TLL1: variants seen among roughly 807,000 people sequenced by gnomAD.
TLL1 encodes tolloid like 1.
A neutral mutation model predicts 128.2 loss-of-function variants in TLL1; 49 were observed. The ratio of observed to expected loss-of-function variants is 0.38; its 90% CI spans 0.30 to 0.48. The LOEUF (loss-of-function observed/expected upper bound fraction) is 0.48, where lower values mean the gene tolerates loss of function less well. Ranked by LOEUF, TLL1 falls within the 20% of genes least tolerant of loss-of-function variation. The pLI, the probability that TLL1 is intolerant of heterozygous loss-of-function variation, is 0.96. For missense variants in TLL1, 1,123 were observed against 1,242.0 expected, an observed-to-expected ratio of 0.90 and a Z score of 1.44; for synonymous variants, 454 against 418.8, an observed-to-expected ratio of 1.08 and a Z score of -1.03.
At chr4:165,965,031 A>G (rs1032814099) in intron 1 of TLL1, among the ~76,000 whole-genome samples, 1 of 152,144 alleles carries the variant, frequency 6.6e-6, no homozygotes. Flanking sequence ...AAGCATTTAT[A>G]TATTTTTATT....
intron 1 of TLL1, among the ~76,000 whole-genome samples, chr4:165,982,637 A>C (rs1046828482): frequency 4.0e-5 from 6 of 151,740 alleles, no homozygotes; most frequent in African/African-American, 1.4e-4. Context: ...ACCTATCATA[A>C]AAATAGACTA....
At chr4:166,058,315 T>G (rs1740125829) in intron 14 of TLL1, among the ~76,000 whole-genome samples, 1 of 152,160 alleles carries the variant, frequency 6.6e-6, no homozygotes, top group Admixed American at 6.6e-5. Context: ...ATCTTTTTCT[T>G]AATATAGTCT....
At chr4:165,985,541 T>C (rs1736357686) in intron 1 of TLL1, among the ~76,000 whole-genome samples, 1 of 151,996 alleles carries the variant, frequency 6.6e-6, no homozygotes, top group African/African-American at 2.4e-5. Flanking sequence ...AATTCGTACA[T>C]ATTTTTGCAT....
At chr4:165,996,926 A>G (rs192449211) in intron 5 of TLL1, among the ~76,000 whole-genome samples, 1 of 151,452 alleles carries the variant, frequency 6.6e-6, no homozygotes, top group East Asian at 1.9e-4. Flanking sequence ...GTTAATATAT[A>G]CCTATATTTG....
At chr4:165,958,585 G>A (rs1471795790) in intron 1 of TLL1, among the ~76,000 whole-genome samples, 1 of 148,486 alleles carries the variant, frequency 6.7e-6, no homozygotes, top group African/African-American at 2.5e-5. Context: ...AAATTTGTTT[G>A]AGTTCATTGT....
rs184915011 is a variant in TLL1, at chr4:165,901,959, A to G, written c.169+27886A>G. ...TGCCCTGCCCAGAGAGGAGGAATCT[A>G]GAGAGGCAGTCTGGTTACAGTGGCT... On this transcript the variant is annotated intron_variant, in intron 1 of 20. Transcript: ENST00000061240. Among the ~76,000 whole-genome samples, 263 of 152,280 alleles carry G rather than the reference A, an allele frequency of 1.7e-3. 1 individual carries two copies. Among genetic ancestry groups the G allele is most frequent in the African/African-American group, 5.9e-3 (247 of 41,558 alleles).
chr4:165,977,242 G>C (rs1735927385), intron 1 of TLL1, among the ~76,000 whole-genome samples: 5 of 152,114 alleles, frequency 3.3e-5, no homozygotes, highest in Admixed American at 3.3e-4. Flanking sequence ...TGGATCATGG[G>C]GGGCAGTTTC....
Position 165,964,696 on chromosome 4 carries a change from G to A in TLL1, c.170-24685G>A, listed in dbSNP as rs896825751. On this transcript the variant is annotated intron_variant, in intron 1 of 20. Transcript: ENST00000061240. Reference sequence around the variant, plus strand: ...CCAGCATGTTTAGTGGCTGAGGTGCGAGGCTAGCTTGAGGACAGGAGCCGG... The same window carrying A: ...CCAGCATGTTTAGTGGCTGAGGTGCAAGGCTAGCTTGAGGACAGGAGCCGG... Among the ~76,000 whole-genome samples, 43 of 152,244 alleles carry A rather than the reference G, an allele frequency of 2.8e-4. 1 individual carries two copies. Among genetic ancestry groups the A allele is most frequent in the Admixed American group, 2.6e-3 (39 of 15,284 alleles).
chr4:165,954,600 A>T (rs1264652867), intron 1 of TLL1, among the ~76,000 whole-genome samples: 1 of 152,082 alleles, frequency 6.6e-6, no homozygotes, highest in Non-Finnish European at 1.5e-5. Flanking sequence ...GGAGAGCCAC[A>T]GCTAAGATGT....
intron 18 of TLL1, among the ~76,000 whole-genome samples, chr4:166,079,209 G>A (rs1267716265): frequency 6.6e-6 from 1 of 152,128 alleles, no homozygotes; most frequent in Non-Finnish European, 1.5e-5. Flanking sequence ...AGCTTCCTGA[G>A]CCTTATGGGC....
At chr4:165,959,999 C>G (rs1735017439) in intron 1 of TLL1, among the ~76,000 whole-genome samples, 1 of 151,962 alleles carries the variant, frequency 6.6e-6, no homozygotes, top group African/African-American at 2.4e-5. Flanking sequence ...TCGAGCAGAG[C>G]TGAATGAAAT....
intron 1 of TLL1, among the ~76,000 whole-genome samples, chr4:165,956,960 A>G (rs1212344158): frequency 1.3e-5 from 2 of 152,076 alleles, no homozygotes; most frequent in Non-Finnish European, 2.9e-5. Context: ...TTGCATCTAC[A>G]AAACAACCAG....
At chr4:166,029,038 T>C (rs756878051) in intron 9 of TLL1, among the ~76,000 whole-genome samples, 3 of 152,024 alleles carry the variant, frequency 2.0e-5, no homozygotes, top group Non-Finnish European at 4.4e-5. Flanking sequence ...GTTTTGTCTT[T>C]AATTAGAGTG....
In TLL1 at chr4:166,100,964, T is replaced by C; in HGVS notation, c.*88T>C. The C allele has an allele frequency of 6.6e-7, 1 of 1,516,816 alleles. No homozygotes were observed. Among genetic ancestry groups the C allele is most frequent in the Non-Finnish European group, 9.0e-7 (1 of 1,115,456 alleles). The allele number at this position is 1,516,816 out of a possible 1,614,324, so 94.0% of individuals were successfully genotyped here. On this transcript the variant is annotated 3_prime_UTR_variant, in exon 21 of 21. Transcript: ENST00000061240. Reference sequence around the variant, plus strand: ...AAAACTGAAGATATTGGCACAAATGTTTTATACAAAGAGTTTGAACAAAAA... The same window carrying C: ...AAAACTGAAGATATTGGCACAAATGCTTTATACAAAGAGTTTGAACAAAAA...
intron 1 of TLL1, among the ~76,000 whole-genome samples, chr4:165,917,580 TTA>T (rs1186149320): frequency 6.6e-6 from 1 of 152,164 alleles, no homozygotes; most frequent in African/African-American, 2.4e-5. Context: ...TATTTATATA[TTA>T]TCTTATTTTT....
At chr4:166,076,307 A>G (rs2111138767) in intron 17 of TLL1, among the ~76,000 whole-genome samples, 1 of 152,220 alleles carries the variant, frequency 6.6e-6, no homozygotes, top group East Asian at 1.9e-4. Flanking sequence ...TCCTGAGCTC[A>G]AGCAATCCAC....
Position 165,959,079 on chromosome 4 carries a change from T to G in TLL1, c.170-30302T>G, listed in dbSNP as rs1048345921. On this transcript the variant is annotated intron_variant, in intron 1 of 20. Coordinates refer to ENST00000061240, the MANE Select transcript of TLL1 (RefSeq NM_012464.5). ...CTGTTCCATTGATCTATATCTCTGT[T>G]TTGGTACCAGTACCATGCTGTTTTG... Among the ~76,000 whole-genome samples, 5 of 149,942 alleles carry G rather than the reference T, an allele frequency of 3.3e-5. No individual in the cohort carries two copies. The Admixed American group carries it at 3.3e-4, about 10-fold the overall frequency.
intron 9 of TLL1, among the ~76,000 whole-genome samples, chr4:166,034,284 A>G (rs1338592606): frequency 6.6e-6 from 1 of 152,186 alleles, no homozygotes; most frequent in Non-Finnish European, 1.5e-5. Context: ...TTTGAGCGAT[A>G]TGAAGAATTT....
chr4:165,915,955 G>A (rs971647564), intron 1 of TLL1, among the ~76,000 whole-genome samples: 3 of 152,070 alleles, frequency 2.0e-5, no homozygotes, highest in Admixed American at 2.0e-4. Context: ...ATGCAAACCC[G>A]GGGTTGCCTT....
Sources: gnomAD v4.1 joint callset for allele counts (sites outside exome capture counted in the v4.1 genomes callset) on GRCh38, gnomAD v4.1.1 for gene constraint, MANE v1.5 for transcripts, NCBI Gene and HGNC (gene_info 2026-07-23, HGNC 2026-07-21) for gene names.